Variants in RANBP2 observed in about 807,000 individuals in gnomAD.
The protein encoded by RANBP2 is E3 SUMO-protein ligase RanBP2.
In RANBP2, 57 loss-of-function variants were observed where a neutral mutation model predicts 303.6. The ratio of observed to expected loss-of-function variants is 0.19; its 90% CI spans 0.15 to 0.23. RANBP2 has a LOEUF of 0.23. Ranked by LOEUF, RANBP2 falls within the 10% of genes least tolerant of loss-of-function variation. The probability of loss-of-function intolerance (pLI) is 1.00; values close to 1 mark genes in which losing one functional copy is unlikely to be tolerated. For synonymous variants in RANBP2, 1,167 were observed against 1,301.5 expected (o/e 0.90, Z 2.23); for missense variants, 3,138 against 3,780.8 (o/e 0.83, Z 4.46).
the RANBP2 span, among the ~76,000 whole-genome samples, chr2:109,036,072 ACATTCT>A: frequency 3.9e-4 from 59 of 152,378 alleles, no homozygotes; most frequent in Admixed American, 1.3e-3. Flanking sequence ...GAGAAATCAG[ACATTCT>A]CAGATGAAAG....
the RANBP2 span, among the ~76,000 whole-genome samples, chr2:108,865,953 G>A: frequency 6.6e-6 from 1 of 152,144 alleles, no homozygotes; most frequent in South Asian, 2.1e-4. Context: ...TTGGACATTA[G>A]ACACATAGGG....
the RANBP2 span, among the ~76,000 whole-genome samples, chr2:109,623,636 T>G: frequency 2.6e-5 from 4 of 152,220 alleles, no homozygotes; most frequent in African/African-American, 9.6e-5. Context: ...CCACTCTGAT[T>G]ATTCTTCCCA....
chr2:109,337,354 G>C, the RANBP2 span, among the ~76,000 whole-genome samples: 6 of 152,236 alleles, frequency 3.9e-5, no homozygotes, highest in Non-Finnish European at 7.3e-5. Context: ...TTGTGGCCCT[G>C]CTCCCATCTG....
chr2:108,886,786 G>A, the RANBP2 span, among the ~76,000 whole-genome samples: 1 of 152,102 alleles, frequency 6.6e-6, no homozygotes, highest in Admixed American at 6.5e-5. Context: ...TGTGTATTCA[G>A]AAAATTAGTC....
chr2:109,357,351 T>C, the RANBP2 span, among the ~76,000 whole-genome samples: 1 of 152,096 alleles, frequency 6.6e-6, no homozygotes, highest in African/African-American at 2.4e-5. Context: ...CCGGATAATT[T>C]TGTGTATTTT....
Position 108,763,407 on chromosome 2 carries a change from C to T in RANBP2, c.2868C>T (p.Pro956=). Residue 956 remains proline, a synonymous_variant, in exon 20 of 29, where the codon CCC becomes CCT. Coordinates refer to ENST00000283195, the MANE Select transcript of RANBP2 (RefSeq NM_006267.5). ...FESPATGILS[P]RGDDYFNYNV... is the part of the protein sequence containing the mutation. ...CTCCTGCAACGGGAATTCTATCGCC[C>T]AGGGGTGATGATTACTTTAATTACA... The T allele has an allele frequency of 6.2e-7, 1 of 1,613,920 alleles. No homozygotes were observed. Among genetic ancestry groups the T allele is most frequent in the Non-Finnish European group, 8.5e-7 (1 of 1,179,946 alleles).
chr2:109,431,265 T>C, the RANBP2 span, among the ~76,000 whole-genome samples: 3 of 152,196 alleles, frequency 2.0e-5, no homozygotes, highest in Admixed American at 6.5e-5. Context: ...CCTGCACTGG[T>C]GTGAGGTCCA....
chr2:109,709,578 A>G, the RANBP2 span, among the ~76,000 whole-genome samples: 1 of 152,146 alleles, frequency 6.6e-6, no homozygotes, highest in Non-Finnish European at 1.5e-5. Context: ...CTAGAGGTGG[A>G]AATCATCACA....
the RANBP2 span, among the ~76,000 whole-genome samples, chr2:109,612,566 C>T: frequency 6.6e-6 from 1 of 152,164 alleles, no homozygotes; most frequent in Non-Finnish European, 1.5e-5. Flanking sequence ...TAAAGTTAGC[C>T]TCAAAGCAAA....
chr2:109,370,738 A>G, the RANBP2 span, among the ~76,000 whole-genome samples: 1 of 149,752 alleles, frequency 6.7e-6, no homozygotes. Flanking sequence ...CCCAGTCTCA[A>G]CCCCCCCGAA....
the RANBP2 span, among the ~76,000 whole-genome samples, chr2:109,457,519 C>G: frequency 1.3e-5 from 2 of 152,226 alleles, no homozygotes; most frequent in Admixed American, 6.5e-5. Context: ...TAACGAGTAA[C>G]TAATCAGGAT....
chr2:109,051,842 A>C, the RANBP2 span, among the ~76,000 whole-genome samples: 1 of 150,580 alleles, frequency 6.6e-6, no homozygotes, highest in African/African-American at 2.5e-5. Context: ...TCTGCCTCCC[A>C]GGTTCACGCC....
At chr2:109,391,879 A>G in the RANBP2 span, among the ~76,000 whole-genome samples, 4 of 152,062 alleles carry the variant, frequency 2.6e-5, no homozygotes, top group Admixed American at 2.0e-4. Flanking sequence ...TTACTCTGTC[A>G]CCCAGGCTGA....
intron 25 of RANBP2, among the ~76,000 whole-genome samples, chr2:108,777,936 C>G (rs1241263121): frequency 6.6e-6 from 1 of 151,888 alleles, no homozygotes; most frequent in Non-Finnish European, 1.5e-5. Flanking sequence ...TTCTTTCCTC[C>G]TCTATATTTG....
At chr2:109,316,194 G>T in the RANBP2 span, among the ~76,000 whole-genome samples, 1 of 152,200 alleles carries the variant, frequency 6.6e-6, no homozygotes, top group Non-Finnish European at 1.5e-5. Flanking sequence ...CCTGGGGAAG[G>T]TTCCACCAGT....
the RANBP2 span, chr2:109,251,326 A>G: frequency 2.1e-6 from 1 of 481,378 alleles, no homozygotes; most frequent in Non-Finnish European, 3.9e-6. Flanking sequence ...TTTAACAAAG[A>G]ATTAGAGAGA....
At chr2:108,881,591 A>G in the RANBP2 span, among the ~76,000 whole-genome samples, 1 of 152,334 alleles carries the variant, frequency 6.6e-6, no homozygotes, top group African/African-American at 2.4e-5. Context: ...GCTAAACCCA[A>G]CCATTTCTAG....
chr2:109,102,153 T>G, the RANBP2 span, among the ~76,000 whole-genome samples: 2 of 152,274 alleles, frequency 1.3e-5, no homozygotes, highest in East Asian at 1.9e-4. Flanking sequence ...CAGGCTGGAC[T>G]GCAGTGGCAC....
the RANBP2 span, among the ~76,000 whole-genome samples, chr2:109,378,857 C>A: frequency 6.6e-6 from 1 of 152,196 alleles, no homozygotes; most frequent in Non-Finnish European, 1.5e-5. Context: ...GTTCTTTCCC[C>A]AGTGCTGGAT....
Sources: allele counts gnomAD v4.1 joint callset (sites outside exome capture counted in the v4.1 genomes callset), GRCh38; gene constraint gnomAD v4.1.1; transcripts MANE v1.5; gene names NCBI Gene and HGNC (gene_info 2026-07-23, HGNC 2026-07-21).